GRM5: variants seen among roughly 807,000 people sequenced by gnomAD.
GRM5 encodes the protein metabotropic glutamate receptor 5.
Under a neutral mutation model 83.1 loss-of-function variants are expected in GRM5, and 19 were observed. That is an observed-to-expected ratio of 0.23 (90% confidence interval 0.16 to 0.34). The LOEUF (loss-of-function observed/expected upper bound fraction) is 0.34, where lower values mean the gene tolerates loss of function less well. Among genes scored for constraint, GRM5 ranks in the 10% least tolerant of loss-of-function variants. The pLI, the probability that GRM5 is intolerant of heterozygous loss-of-function variation, is 1.00. For missense variants in GRM5, 1,160 were observed against 1,588.3 expected, an observed-to-expected ratio of 0.73 and a Z score of 4.58; for synonymous variants, 675 against 633.6, an observed-to-expected ratio of 1.07 and a Z score of -0.98.
chr11:88,771,668 C>T (rs1565223236), intron 3 of GRM5, among the ~76,000 whole-genome samples: 1 of 152,128 alleles, frequency 6.6e-6, no homozygotes, highest in Non-Finnish European at 1.5e-5. Flanking sequence ...AACACCCTCA[C>T]AGACATACCC....
intron 3 of GRM5, among the ~76,000 whole-genome samples, chr11:88,690,068 A>G (rs1469627889): frequency 1.3e-5 from 2 of 152,166 alleles, no homozygotes; most frequent in Non-Finnish European, 2.9e-5. Context: ...ACAGCAAGGG[A>G]GGCGCTGATA....
chr11:88,685,693 C>G (rs545726186), intron 3 of GRM5, among the ~76,000 whole-genome samples: 1 of 152,270 alleles, frequency 6.6e-6, no homozygotes, highest in Non-Finnish European at 1.5e-5. Context: ...GCATCCCAGC[C>G]ACTACAGCCA....
At chr11:89,048,289 T>C (rs1156405352) in intron 1 of GRM5, among the ~76,000 whole-genome samples, 1 of 152,204 alleles carries the variant, frequency 6.6e-6, no homozygotes, top group African/African-American at 2.4e-5. Context: ...AGATTAATAG[T>C]CTTTTTTTGT....
intron 3 of GRM5, among the ~76,000 whole-genome samples, chr11:88,718,054 G>A (rs1941439523): frequency 6.6e-6 from 1 of 151,644 alleles, no homozygotes; most frequent in Admixed American, 6.6e-5. Context: ...TTTAAAAATT[G>A]AAATGGCTGA....
chr11:88,824,141 A>G (rs76021840), intron 3 of GRM5, among the ~76,000 whole-genome samples: 2,191 of 152,260 alleles, frequency 0.014, 51 homozygotes, highest in African/African-American at 0.049. Flanking sequence ...TGTAAGATTT[A>G]AGGGCAATGT....
rs1004384101 is a variant in GRM5, at chr11:88,604,571, C to G, written c.1394+147G>C. The G allele has an allele frequency of 1.3e-5, 9 of 690,956 alleles. No individual in the cohort carries two copies. The African/African-American group carries it at 1.6e-4, about 12-fold the overall frequency. 42.8% of individuals were successfully genotyped at this position (690,956 alleles called of 1,614,324 possible). On this transcript the variant is annotated intron_variant, in intron 5 of 9. Transcript: ENST00000305447. ...CCACAGGAAATGGGGCTTCTTCTCT[C>G]TATCTTTGCTCATTTGGGATGTCAG...
intron 2 of GRM5, among the ~76,000 whole-genome samples, chr11:88,876,822 G>C (rs1370832498): frequency 2.0e-5 from 3 of 151,962 alleles, no homozygotes; most frequent in African/African-American, 7.2e-5. Context: ...GGCATGATTT[G>C]GGATTCCCTA....
At chr11:88,789,520 T>G (rs1943132882) in intron 3 of GRM5, among the ~76,000 whole-genome samples, 1 of 152,212 alleles carries the variant, frequency 6.6e-6, no homozygotes, top group African/African-American at 2.4e-5. Context: ...TACACTGTAT[T>G]TAGCCATTTT....
chr11:88,932,564 A>G (rs1467450459), intron 2 of GRM5, among the ~76,000 whole-genome samples: 3 of 151,934 alleles, frequency 2.0e-5, no homozygotes, highest in African/African-American at 7.2e-5. Flanking sequence ...AAGATGTTAT[A>G]TAAATATATA....
At chr11:88,920,405 C>A (rs1848447) in intron 2 of GRM5, among the ~76,000 whole-genome samples, 1 of 134,262 alleles carries the variant, frequency 7.4e-6, no homozygotes. Context: ...AAGAAAAATT[C>A]TCCCAGCCAA....
intron 3 of GRM5, among the ~76,000 whole-genome samples, chr11:88,737,778 A>G (rs915922009): frequency 2.0e-5 from 3 of 152,084 alleles, no homozygotes; most frequent in East Asian, 1.9e-4. Context: ...TTTCACATCT[A>G]TCTATACTAC....
intron 2 of GRM5, among the ~76,000 whole-genome samples, chr11:88,916,273 C>T (rs1418918016): frequency 6.6e-6 from 1 of 152,140 alleles, no homozygotes; most frequent in African/African-American, 2.4e-5. Flanking sequence ...GTAGGAAAGA[C>T]AGTCTTTACT....
At chr11:88,800,433 G>C (rs1054013677) in intron 3 of GRM5, among the ~76,000 whole-genome samples, 13 of 151,570 alleles carry the variant, frequency 8.6e-5, no homozygotes, top group African/African-American at 3.2e-4. Flanking sequence ...AAACCTTCTA[G>C]ATTACTTGCA....
chr11:88,700,154 A>G (rs1940995369), intron 3 of GRM5, among the ~76,000 whole-genome samples: 1 of 152,106 alleles, frequency 6.6e-6, no homozygotes, highest in African/African-American at 2.4e-5. Context: ...AAATAGATAA[A>G]AGGTAATCAG....
chr11:88,698,104 T>A (rs1940943489), intron 3 of GRM5, among the ~76,000 whole-genome samples: 1 of 152,178 alleles, frequency 6.6e-6, no homozygotes, highest in East Asian at 1.9e-4. Context: ...GCCAATCCAT[T>A]CTCCACAGGG....
At chr11:88,731,674 T>A (rs897933853) in intron 3 of GRM5, among the ~76,000 whole-genome samples, 1 of 152,014 alleles carries the variant, frequency 6.6e-6, no homozygotes, top group African/African-American at 2.4e-5. Context: ...TATTACAATG[T>A]GCCTGGCCTG....
chr11:88,625,465 G>T (rs1444877657), intron 4 of GRM5, among the ~76,000 whole-genome samples: 1 of 152,076 alleles, frequency 6.6e-6, no homozygotes, highest in Non-Finnish European at 1.5e-5. Context: ...TAGAAAAGAA[G>T]TATTTGGTGG....
chr11:88,548,659 C>A (rs1166190408), intron 8 of GRM5, among the ~76,000 whole-genome samples: 2 of 152,162 alleles, frequency 1.3e-5, no homozygotes, highest in East Asian at 3.8e-4. Context: ...AACATTACAA[C>A]CTGCCAGATC....
At chr11:88,974,759 C>T (rs1301976320) in intron 2 of GRM5, among the ~76,000 whole-genome samples, 3 of 152,098 alleles carry the variant, frequency 2.0e-5, no homozygotes, top group African/African-American at 7.2e-5. Flanking sequence ...TGAATTGTTA[C>T]AAAAATCTCT....
Sources: allele counts gnomAD v4.1 joint callset (sites outside exome capture counted in the v4.1 genomes callset), GRCh38; gene constraint gnomAD v4.1.1; transcripts MANE v1.5; gene names NCBI Gene and HGNC (gene_info 2026-07-23, HGNC 2026-07-21).